The following CACUL1 variants were observed in gnomAD, a reference collection of about 807,000 sequenced individuals.
CACUL1 encodes CDK2-associated and cullin domain-containing protein 1.
Under a neutral mutation model 45.2 loss-of-function variants are expected in CACUL1, and 13 were observed. The observed-to-expected ratio is 0.29, with a 90% confidence interval of 0.19 to 0.46. CACUL1 has a LOEUF of 0.46. Ranked by LOEUF, CACUL1 falls within the 20% of genes least tolerant of loss-of-function variation. The probability of loss-of-function intolerance (pLI) is 1.00; values close to 1 mark genes in which losing one functional copy is unlikely to be tolerated. For missense variants in CACUL1, 421 were observed against 471.4 expected, an observed-to-expected ratio of 0.89 and a Z score of 0.99; for synonymous variants, 197 against 174.2, an observed-to-expected ratio of 1.13 and a Z score of -1.03.
chr10:118,696,595 A>G (rs531300062), intron 5 of CACUL1, among the ~76,000 whole-genome samples: 1 of 152,256 alleles, frequency 6.6e-6, no homozygotes, highest in South Asian at 2.1e-4. Context: ...GTGAGCCAAG[A>G]TCCCGCTACT....
At chr10:118,691,866 CAAAAAAAAA>C (rs754241223) in intron 6 of CACUL1, among the ~76,000 whole-genome samples, 31 of 95,410 alleles carry the variant, frequency 3.2e-4, no homozygotes, top group East Asian at 7.7e-4. Context: ...GACTCCGTCT[CAAAAAAAAA>C]AAAAAAAAAA....
rs1053128230 is a variant in CACUL1, at chr10:118,681,176, C to T, written c.*4952G>A. On this transcript the variant is annotated 3_prime_UTR_variant, in exon 9 of 9. Coordinates refer to ENST00000369151, the MANE Select transcript of CACUL1 (RefSeq NM_153810.5). Reference sequence around the variant, plus strand: ...TGGATTAAAGAGATGATGTGCAGAACGCCCTGTGCTGAGCTCACTATGGCT... The same window carrying T: ...TGGATTAAAGAGATGATGTGCAGAATGCCCTGTGCTGAGCTCACTATGGCT... 6.6e-6 allele frequency: 1 copy of T among 152,220 alleles called. No individual in the cohort carries two copies. Among genetic ancestry groups the T allele is most frequent in the African/African-American group, 2.4e-5 (1 of 41,446 alleles). The allele number at this position is 152,220 out of a possible 1,614,324, so 9.4% of individuals were successfully genotyped here.
chr10:118,738,892 TAAAAAA>T (rs150393133), intron 1 of CACUL1, among the ~76,000 whole-genome samples: 4 of 62,258 alleles, frequency 6.4e-5, no homozygotes, highest in Admixed American at 4.2e-4. Flanking sequence ...CAAGTGCTCT[TAAAAAA>T]AAAAAAAAAA....
At chr10:118,720,272 G>T (rs1845587783) in intron 3 of CACUL1, among the ~76,000 whole-genome samples, 1 of 152,064 alleles carries the variant, frequency 6.6e-6, no homozygotes, top group Non-Finnish European at 1.5e-5. Context: ...AACTGGCTAG[G>T]TGCTATAAAA....
chr10:118,679,819 C>G lies in CACUL1; in HGVS notation c.*6309G>C, dbSNP rs780861663. On this transcript the variant is annotated 3_prime_UTR_variant, in exon 9 of 9. Coordinates refer to ENST00000369151, the MANE Select transcript of CACUL1 (RefSeq NM_153810.5). ...CAGGCGTGAGCCACCATGCTCGGCC[C>G]TAATTTAAAAAATTTTTTTGTAGAG... 10 of 151,878 alleles carry G rather than the reference C, an allele frequency of 6.6e-5. No homozygotes were observed. The highest frequency in any genetic ancestry group is 1.2e-4 in the Non-Finnish European group (8 of 67,984). The allele number at this position is 151,878 out of a possible 1,614,324, so 9.4% of individuals were successfully genotyped here. A position where few individuals can be genotyped will look rare whatever the true frequency, so the allele number is the denominator to read the frequency against.
intron 1 of CACUL1, among the ~76,000 whole-genome samples, chr10:118,739,846 GT>G (rs1845775294): frequency 6.6e-6 from 1 of 152,220 alleles, no homozygotes; most frequent in Non-Finnish European, 1.5e-5. Context: ...CTGTTGAAAA[GT>G]TTTAAGAGTA....
intron 3 of CACUL1, among the ~76,000 whole-genome samples, chr10:118,716,035 G>C (rs1359282263): frequency 6.6e-6 from 1 of 152,070 alleles, no homozygotes; most frequent in Non-Finnish European, 1.5e-5. Context: ...AGGAGGTCGA[G>C]ACCATCCTAA....
chr10:118,712,617 G>A lies in CACUL1; in HGVS notation c.598-5030C>T, dbSNP rs953384145. ...CAGAACAGCTCAGAGGAAAGCTGCA[G>A]GGAGTAGCTCCTTTCCACAGCCAGG... On this transcript the variant is annotated intron_variant, in intron 3 of 8. Transcript: ENST00000369151. Among the ~76,000 whole-genome samples, 4 of 152,350 alleles carry A rather than the reference G, an allele frequency of 2.6e-5. No homozygotes were observed. The East Asian group carries it at 7.7e-4, about 29-fold the overall frequency.
chr10:118,678,941 G>C lies in CACUL1; in HGVS notation c.*7187C>G, dbSNP rs1242640422. On this transcript the variant is annotated 3_prime_UTR_variant, in exon 9 of 9. Transcript: ENST00000369151. ...GTCTCTGCAAGATCTATTAATTACT[G>C]AGAGGGGTATGTTGAAAATGCCCAT... 6.6e-6 allele frequency: 1 copy of C among 152,144 alleles called. No individual in the cohort carries two copies. The highest frequency in any genetic ancestry group is 6.5e-5 in the Admixed American group (1 of 15,272). The allele number at this position is 152,144 out of a possible 1,614,324, so 9.4% of individuals were successfully genotyped here.
Position 118,683,135 on chromosome 10 carries a change from G to A in CACUL1, c.*2993C>T, listed in dbSNP as rs1427080635. The A allele has an allele frequency of 2.0e-5, 3 of 152,080 alleles. No homozygotes were observed. The highest frequency in any genetic ancestry group is 1.9e-4 in the East Asian group (1 of 5,200). The allele number at this position is 152,080 out of a possible 1,614,324, so 9.4% of individuals were successfully genotyped here. On this transcript the variant is annotated 3_prime_UTR_variant, in exon 9 of 9. Coordinates refer to ENST00000369151, the MANE Select transcript of CACUL1 (RefSeq NM_153810.5). ...AAGGCCAACCTTTAAAACATGTACC[G>A]TCTCTCAAAACAATTATCGATTTAC...
chr10:118,711,148 C>A (rs781589451), intron 3 of CACUL1, among the ~76,000 whole-genome samples: 3 of 152,226 alleles, frequency 2.0e-5, no homozygotes, highest in Non-Finnish European at 4.4e-5. Context: ...GGCATCATCT[C>A]GGCTCACTGC....
At chr10:118,721,442 A>T (rs937001993) in intron 3 of CACUL1, among the ~76,000 whole-genome samples, 9 of 151,520 alleles carry the variant, frequency 5.9e-5, no homozygotes, top group South Asian at 2.1e-4. Flanking sequence ...ATACAGTTAG[A>T]CATCAACATC....
At chr10:118,712,665 C>T (rs1022905805) in intron 3 of CACUL1, among the ~76,000 whole-genome samples, 6 of 152,216 alleles carry the variant, frequency 3.9e-5, no homozygotes, top group African/African-American at 1.2e-4. Context: ...GTGTTCAGCT[C>T]CTAGCAGAAA....
intron 1 of CACUL1, among the ~76,000 whole-genome samples, chr10:118,746,782 A>G: frequency 6.6e-6 from 1 of 152,274 alleles, no homozygotes; most frequent in East Asian, 1.9e-4. Context: ...ATGTGAGCAG[A>G]TTATCACAAA....
At chr10:118,728,730 C>T (rs1175657271) in intron 3 of CACUL1, among the ~76,000 whole-genome samples, 4 of 152,202 alleles carry the variant, frequency 2.6e-5, no homozygotes, top group African/African-American at 9.7e-5. Context: ...AATACCTGAT[C>T]TTCAAGCACT....
chr10:118,727,338 A>G (rs1424482785), intron 3 of CACUL1, among the ~76,000 whole-genome samples: 1 of 151,674 alleles, frequency 6.6e-6, no homozygotes, highest in Non-Finnish European at 1.5e-5. Flanking sequence ...AAGCTGCAGT[A>G]AGCCATGATT....
At position 118,695,182 on chromosome 10, in the gene CACUL1, G is replaced by A. The variant is rs763931296; in HGVS notation, c.845C>T (p.Thr282Ile). ...QSTPFQVTPSTMANIVKGLYT... is the reference protein window; with the variant it reads ...QSTPFQVTPSIMANIVKGLYT... Reference sequence around the variant, plus strand: ...CAGGCCTTTCACAATATTTGCCATAGTTGAAGGTGTGACCTGAAATGGTGT... The same window carrying A: ...CAGGCCTTTCACAATATTTGCCATAATTGAAGGTGTGACCTGAAATGGTGT... Residue 282 changes from threonine (T) to isoleucine (I), a missense_variant, in exon 6 of 9, where the codon ACT becomes ATT. Physicochemically the swap from Thr to Ile is moderately conservative, Grantham distance 89. This residue lies in a region of CACUL1 where 208 missense variants were observed against 298.4 expected (regional missense o/e 0.70). Coordinates refer to ENST00000369151, the MANE Select transcript of CACUL1 (RefSeq NM_153810.5). The A allele has an allele frequency of 6.8e-6, 11 of 1,609,256 alleles. No individual in the cohort carries two copies. The highest frequency in any genetic ancestry group is 2.2e-5 in the East Asian group (1 of 44,794).
At chr10:118,737,793 AC>A (rs1845754022) in intron 1 of CACUL1, among the ~76,000 whole-genome samples, 1 of 152,134 alleles carries the variant, frequency 6.6e-6, no homozygotes, top group Non-Finnish European at 1.5e-5. Flanking sequence ...TTACAACATC[AC>A]ATAGGAGCCT....
At chr10:118,686,927 A>G in intron 7 of CACUL1, 1 of 400,610 alleles carries the variant, frequency 2.5e-6, no homozygotes, top group Non-Finnish European at 4.4e-6. Context: ...GCCCTAAGCT[A>G]CCTACAAATC....
Sources: gnomAD v4.1 joint callset for allele counts (sites outside exome capture counted in the v4.1 genomes callset) on GRCh38, gnomAD v4.1.1 for gene constraint, gnomAD v4.1.1 regional missense constraint, MANE v1.5 for transcripts, NCBI Gene and HGNC (gene_info 2026-07-23, HGNC 2026-07-21) for gene names.